The following SLC16A7 variants were observed in gnomAD, a reference collection of about 807,000 sequenced individuals.
SLC16A7 encodes solute carrier family 16 member 7.
SLC16A7 carries 33 observed loss-of-function variants against 34.9 expected under a neutral mutation model. The ratio of observed to expected loss-of-function variants is 0.94; its 90% CI spans 0.72 to 1.26. The LOEUF is 1.26. Among genes scored for constraint, SLC16A7 ranks in the 50% most tolerant of loss-of-function variants. SLC16A7 has a pLI of 0.00. For missense variants in SLC16A7, 573 were observed against 578.1 expected (o/e 0.99, Z 0.09); for synonymous variants, 201 against 206.6 (o/e 0.97, Z 0.23).
intron 3 of SLC16A7, among the ~76,000 whole-genome samples, chr12:59,728,965 A>G (rs1414082297): frequency 6.6e-6 from 1 of 152,226 alleles, no homozygotes; most frequent in East Asian, 1.9e-4. Context: ...CTTGTCTGAG[A>G]TGATTTTTCC....
chr12:59,761,171 G>A, intron 3 of SLC16A7: 1 of 1,283,976 alleles, frequency 7.8e-7, no homozygotes, highest in Non-Finnish European at 1.0e-6. Flanking sequence ...TGAGGATTCA[G>A]TGCAGCTTTA....
chr12:59,758,619 CATA>C (rs1331116943), intron 3 of SLC16A7, among the ~76,000 whole-genome samples: 1 of 152,022 alleles, frequency 6.6e-6, no homozygotes, highest in East Asian at 1.9e-4. Flanking sequence ...TGAATGGAAT[CATA>C]ATGATTACCA....
At chr12:59,765,360 G>T (rs1370497957) in intron 3 of SLC16A7, among the ~76,000 whole-genome samples, 3 of 152,120 alleles carry the variant, frequency 2.0e-5, no homozygotes, top group Admixed American at 6.5e-5. Context: ...GTCAATTTTG[G>T]CTTTTGTTGC....
chr12:59,779,400 A>G (rs747502777), intron 5 of SLC16A7, 23 bp from the exon 6 acceptor site: 1 of 1,541,036 alleles, frequency 6.5e-7, no homozygotes, highest in East Asian at 2.3e-5. Flanking sequence ...ATGCCAACTT[A>G]AAAGATGTTC....
At chr12:59,752,217 C>T (rs1008569239) in intron 3 of SLC16A7, among the ~76,000 whole-genome samples, 27 of 152,122 alleles carry the variant, frequency 1.8e-4, no homozygotes, top group Non-Finnish European at 3.2e-4. Flanking sequence ...TCCAAAGGAA[C>T]GCAGCTCCTC....
chr12:59,663,323 T>C (rs1285897337), intron 2 of SLC16A7, among the ~76,000 whole-genome samples: 3 of 151,836 alleles, frequency 2.0e-5, no homozygotes, highest in African/African-American at 7.2e-5. Flanking sequence ...AAGTTAATAA[T>C]TTCTTTACAT....
At chr12:59,713,454 T>C (rs965625592) in intron 3 of SLC16A7, among the ~76,000 whole-genome samples, 6 of 152,250 alleles carry the variant, frequency 3.9e-5, no homozygotes, top group Non-Finnish European at 1.5e-5. Flanking sequence ...TGAAATTAAT[T>C]TTTATATTTT....
chr12:59,765,780 G>T (rs377748060), intron 3 of SLC16A7, among the ~76,000 whole-genome samples: 4 of 151,986 alleles, frequency 2.6e-5, no homozygotes, highest in African/African-American at 9.7e-5. Context: ...GCCTCCAGCT[G>T]TGTTCTTTTG....
chr12:59,682,606 A>C (rs1192725384), intron 2 of SLC16A7, among the ~76,000 whole-genome samples: 3 of 152,220 alleles, frequency 2.0e-5, no homozygotes, highest in Non-Finnish European at 4.4e-5. Flanking sequence ...AAATGATTAT[A>C]AATAATTCAG....
At chr12:59,695,974 T>C (rs1271211633) in intron 2 of SLC16A7, among the ~76,000 whole-genome samples, 1 of 152,000 alleles carries the variant, frequency 6.6e-6, no homozygotes, top group Non-Finnish European at 1.5e-5. Flanking sequence ...TGTATATTAC[T>C]GACAGTATTT....
At chr12:59,621,117 C>T (rs1879678875) in intron 1 of SLC16A7, among the ~76,000 whole-genome samples, 1 of 151,902 alleles carries the variant, frequency 6.6e-6, no homozygotes, top group Non-Finnish European at 1.5e-5. Flanking sequence ...CTCTAGACTG[C>T]TATTTTTTTG....
intron 2 of SLC16A7, among the ~76,000 whole-genome samples, chr12:59,671,953 A>ATG (rs56315132): frequency 3.2e-5 from 2 of 62,124 alleles, no homozygotes; most frequent in Non-Finnish European, 5.7e-5. Context: ...ATGTGTATAT[A>ATG]TGTATATATG....
chr12:59,682,270 ATTTTAT>A lies in SLC16A7; in HGVS notation c.-30-22496_-30-22491del, dbSNP rs1458526649. ...TAACAAACTACATGTTAGGGTTGTC[ATTTTAT>A]TTTTAAGTGCTAGTTTATATAATTA... is the stretch of plus-strand genomic sequence containing the variant. On this transcript the variant is annotated intron_variant, in intron 2 of 5. Coordinates refer to ENST00000547379, the MANE Select transcript of SLC16A7 (RefSeq NM_001270623.2). Among the ~76,000 whole-genome samples the A allele has an allele frequency of 4.6e-5, 7 of 152,276 alleles. No homozygotes were observed. The East Asian group carries it at 1.2e-3, about 25-fold the overall frequency.
chr12:59,646,559 G>C (rs1592430492), intron 1 of SLC16A7, among the ~76,000 whole-genome samples: 1 of 152,286 alleles, frequency 6.6e-6, no homozygotes, highest in Non-Finnish European at 1.5e-5. Flanking sequence ...GAGAATCTCT[G>C]CTAGGGCTAG....
chr12:59,765,095 T>A (rs915170620), intron 3 of SLC16A7, among the ~76,000 whole-genome samples: 3 of 152,226 alleles, frequency 2.0e-5, no homozygotes, highest in Non-Finnish European at 4.4e-5. Flanking sequence ...ATGAAGAGCA[T>A]TTTTTCATGT....
intron 3 of SLC16A7, chr12:59,733,721 C>G (rs144641794): frequency 1.8e-5 from 8 of 456,050 alleles, no homozygotes; most frequent in African/African-American, 1.4e-4. Context: ...TTCAGCAGGT[C>G]CCAAGCTCCC....
At chr12:59,612,072 G>T (rs1379705924) in intron 1 of SLC16A7, among the ~76,000 whole-genome samples, 1 of 152,176 alleles carries the variant, frequency 6.6e-6, no homozygotes, top group East Asian at 1.9e-4. Flanking sequence ...ACCAGGCGGT[G>T]CCCCGATGGA....
At chr12:59,771,571 A>T (rs1882232296) in intron 4 of SLC16A7, among the ~76,000 whole-genome samples, 1 of 152,192 alleles carries the variant, frequency 6.6e-6, no homozygotes, top group Non-Finnish European at 1.5e-5. Flanking sequence ...ATTATCAGAC[A>T]AGTTACATGT....
Position 59,696,578 on chromosome 12 carries a change from T to A in SLC16A7, c.-30-8194T>A, listed in dbSNP as rs541688190. On this transcript the variant is annotated intron_variant, in intron 2 of 5. Transcript: ENST00000547379. ...CTTGGCTGTGCTTACAAGCTGTGCTTGTTAAAAGAAATAAGACACAACAGA... is the reference window on the plus strand; with the variant it reads ...CTTGGCTGTGCTTACAAGCTGTGCTAGTTAAAAGAAATAAGACACAACAGA... The A allele has an allele frequency of 2.0e-5, 3 of 152,156 alleles. No individual in the cohort carries two copies. The South Asian group carries it at 6.2e-4, about 31-fold the overall frequency. 9.4% of individuals were successfully genotyped at this position (152,156 alleles called of 1,614,324 possible).
Sources: gnomAD v4.1 joint callset for allele counts (sites outside exome capture counted in the v4.1 genomes callset) on GRCh38, gnomAD v4.1.1 for gene constraint, MANE v1.5 for transcripts, NCBI Gene and HGNC (gene_info 2026-07-23, HGNC 2026-07-21) for gene names.